The following LPP variants were observed in gnomAD, a reference collection of about 807,000 sequenced individuals.
The protein encoded by LPP is lipoma-preferred partner.
LPP carries 38 observed loss-of-function variants against 60.4 expected under a neutral mutation model. The observed-to-expected ratio is 0.63, with a 90% CI of 0.49 to 0.83. LPP has a LOEUF of 0.83. Ranked by LOEUF, LPP falls within the 40% of genes least tolerant of loss-of-function variation. LPP has a pLI of 0.00. For synonymous variants in LPP, 328 were observed against 290.8 expected (o/e 1.13, Z -1.30); for missense variants, 902 against 783.6 (o/e 1.15, Z -1.80).
At chr3:188,197,055 AG>A (rs1340388313) in intron 1 of LPP, among the ~76,000 whole-genome samples, 4 of 152,264 alleles carry the variant, frequency 2.6e-5, no homozygotes, top group Non-Finnish European at 5.9e-5. Flanking sequence ...AATCAAAAAT[AG>A]GTGTGCAAGT....
intron 1 of LPP, among the ~76,000 whole-genome samples, chr3:188,165,920 G>A (rs1719809541): frequency 6.6e-6 from 1 of 152,170 alleles, no homozygotes; most frequent in Admixed American, 6.5e-5. Flanking sequence ...TTAGACGGGT[G>A]ACGGAACATA....
chr3:188,215,360 T>C (rs1048952886), intron 1 of LPP, among the ~76,000 whole-genome samples: 1 of 152,068 alleles, frequency 6.6e-6, no homozygotes, highest in Admixed American at 6.6e-5. Flanking sequence ...ACATTCATAT[T>C]GCTGTGTAAT....
chr3:188,179,038 CAGAGAGAGAGAG>C (rs10616335), intron 1 of LPP: 9 of 168,678 alleles, frequency 5.3e-5, no homozygotes, highest in Admixed American at 8.4e-5. Flanking sequence ...GGGAGAGAGA[CAGAGAGAGAGAG>C]AGAGAGAGAG....
intron 3 of LPP, among the ~76,000 whole-genome samples, chr3:188,371,184 A>G (rs768366676): frequency 3.2e-4 from 49 of 152,220 alleles, no homozygotes; most frequent in Non-Finnish European, 5.0e-4. Flanking sequence ...AACCCACTCA[A>G]TGTACTTATT....
rs114986532 is a variant in LPP at position 188,312,368 on chromosome 3, T to C, written c.-66-29295T>C. Among the ~76,000 whole-genome samples the C allele has an allele frequency of 6.6e-3, 1,013 of 152,352 alleles. 14 individuals carry two copies. The highest frequency in any genetic ancestry group is 0.024 in the African/African-American group (986 of 41,582). On this transcript the variant is annotated intron_variant, in intron 2 of 11. Transcript: ENST00000617246. ...GCTGAATTTTTGCTTATTGATTTAT[T>C]ACAGTTAAGAAAATTAACTTGTAGT...
chr3:188,518,789 CTG>C (rs1307575543), intron 5 of LPP, among the ~76,000 whole-genome samples: 3 of 152,094 alleles, frequency 2.0e-5, no homozygotes, highest in African/African-American at 7.2e-5. Context: ...AGGGTGGAGA[CTG>C]TTTCTTAATT....
At chr3:188,378,392 A>G (rs1002812490) in intron 3 of LPP, among the ~76,000 whole-genome samples, 1 of 152,128 alleles carries the variant, frequency 6.6e-6, no homozygotes. Flanking sequence ...TTACCTAATC[A>G]AACAACTAAC....
intron 2 of LPP, among the ~76,000 whole-genome samples, chr3:188,317,473 G>C: frequency 6.6e-6 from 1 of 152,142 alleles, no homozygotes. Flanking sequence ...CTGTGACTTT[G>C]TGTCTCCTTC....
chr3:188,317,363 T>C (rs1478383016), intron 2 of LPP, among the ~76,000 whole-genome samples: 1 of 152,042 alleles, frequency 6.6e-6, no homozygotes, highest in East Asian at 1.9e-4. Flanking sequence ...CTTGGGCACA[T>C]AGTGTAATGG....
intron 9 of LPP, among the ~76,000 whole-genome samples, chr3:188,843,772 G>GC (rs1490055457): frequency 2.2e-5 from 1 of 44,680 alleles, no homozygotes; most frequent in Non-Finnish European, 5.1e-5. Flanking sequence ...GGGCGACAGA[G>GC]CAAGACTCCG....
intron 3 of LPP, among the ~76,000 whole-genome samples, chr3:188,367,654 G>A (rs144310684): frequency 6.4e-4 from 97 of 152,238 alleles, no homozygotes; most frequent in African/African-American, 2.3e-3. Context: ...ATTCATGGCA[G>A]CCTTTTCTAA....
intron 3 of LPP, among the ~76,000 whole-genome samples, chr3:188,363,905 CAAAAAAAA>C (rs541715135): frequency 1.0e-5 from 1 of 96,900 alleles, no homozygotes; most frequent in Non-Finnish European, 2.0e-5. Context: ...AACTCCCTCC[CAAAAAAAA>C]AAAAAAAAAA....
chr3:188,468,378 T>C (rs139773358), intron 4 of LPP, among the ~76,000 whole-genome samples: 4 of 152,252 alleles, frequency 2.6e-5, no homozygotes, highest in African/African-American at 7.2e-5. Flanking sequence ...AAAGCAGCCA[T>C]AGACAATAAG....
intron 9 of LPP, among the ~76,000 whole-genome samples, chr3:188,807,720 T>G (rs1749604639): frequency 6.6e-6 from 1 of 152,164 alleles, no homozygotes; most frequent in Non-Finnish European, 1.5e-5. Context: ...ATGAGAAATA[T>G]TCTCATATGA....
chr3:188,428,915 G>T (rs1267426857), intron 4 of LPP, among the ~76,000 whole-genome samples: 1 of 151,862 alleles, frequency 6.6e-6, no homozygotes, highest in African/African-American at 2.4e-5. Context: ...AACAAAACAA[G>T]AACAACCTGA....
chr3:188,406,162 G>A lies in LPP; in HGVS notation c.42G>A (p.Glu14=), dbSNP rs1783441539. Reference sequence around the variant, plus strand: ...GGCTGCCACCCAAAAGCACTGGTGAGCCCCTCGGCCATGTGCCTGCACGGA... The same window carrying A: ...GGCTGCCACCCAAAAGCACTGGTGAACCCCTCGGCCATGTGCCTGCACGGA... ...PSWLPPKSTG[E]PLGHVPARME... The change falls in exon 4 of 12, where the codon GAG becomes GAA. Residue 14 remains glutamate (E), a synonymous_variant. Coordinates refer to ENST00000617246, the MANE Select transcript of LPP (RefSeq NM_001375462.1). 6 of 1,613,994 alleles carry A rather than the reference G, an allele frequency of 3.7e-6. No homozygotes were observed. In the East Asian group the frequency reaches 1.3e-4, roughly 36 times the overall value.
intron 6 of LPP, among the ~76,000 whole-genome samples, chr3:188,603,047 TAATAATAATAATAA>T (rs1841732566): frequency 6.7e-6 from 1 of 149,666 alleles, no homozygotes; most frequent in African/African-American, 2.4e-5. Flanking sequence ...ATAATAATAA[TAATAATAATAATAA>T]TAATGAACAC....
At chr3:188,387,113 A>C (rs1399167611) in intron 3 of LPP, among the ~76,000 whole-genome samples, 1 of 152,052 alleles carries the variant, frequency 6.6e-6, no homozygotes, top group Non-Finnish European at 1.5e-5. Flanking sequence ...TATATCTGTA[A>C]GGCACTTAAT....
In LPP at chr3:188,708,318, C is replaced by G. The variant is rs1441992803; in HGVS notation, c.1165C>G (p.Pro389Ala). The G allele has an allele frequency of 1.9e-5, 30 of 1,614,096 alleles. No individual in the cohort carries two copies. The highest frequency in any genetic ancestry group is 2.3e-5 in the Non-Finnish European group (27 of 1,179,992). The change falls in exon 8 of 12, where the codon CCA (proline) becomes GCA (alanine). Residue 389 changes from proline (P) to alanine (A), a missense_variant. By Grantham distance (27) the Pro-to-Ala change is conservative. Transcript: ENST00000617246. The stretch of plus-strand genomic sequence containing the variant: ...TTCGTCAGTTGCCCCTTCATTCCGC[C>G]CAGAGGATGAGCTTGAGCACCTGAC... ...GPSSVAPSFR[P>A]EDELEHLTKK...
Sources: allele counts gnomAD v4.1 joint callset (sites outside exome capture counted in the v4.1 genomes callset), GRCh38; gene constraint gnomAD v4.1.1; transcripts MANE v1.5; gene names NCBI Gene and HGNC (gene_info 2026-07-23, HGNC 2026-07-21).